PAM16: variants seen among roughly 807,000 people sequenced by gnomAD.
The protein encoded by PAM16 is presequence translocase associated motor 16, also known as mitochondrial import inner membrane translocase subunit TIM16.
A neutral mutation model predicts 17.9 loss-of-function variants in PAM16; 11 were observed. The observed-to-expected ratio is 0.62, with a 90% CI of 0.39 to 1.02. PAM16 has a LOEUF of 1.02. Ranked by LOEUF, PAM16 falls within the 50% of genes least tolerant of loss-of-function variation. The probability of loss-of-function intolerance (pLI) is 0.01; values close to 1 mark genes in which losing one functional copy is unlikely to be tolerated. For synonymous variants in PAM16, 72 were observed against 67.4 expected, an observed-to-expected ratio of 1.07 and a Z score of -0.34; for missense variants, 199 against 165.4, an observed-to-expected ratio of 1.20 and a Z score of -1.11.
At chr16:4,345,655 A>T (rs1290012007) in intron 1 of PAM16, 1 of 159,362 alleles carries the variant, frequency 6.3e-6, no homozygotes, top group Admixed American at 6.5e-5. Flanking sequence ...TGGAAACTTC[A>T]TAACTTCTGG....
chr16:4,346,425 G>C (rs999398382), intron 1 of PAM16, among the ~76,000 whole-genome samples: 1 of 152,208 alleles, frequency 6.6e-6, no homozygotes, highest in African/African-American at 2.4e-5. Flanking sequence ...ATAAACATTG[G>C]TTTTCATTCA....
At chr16:4,347,371 T>C (rs2053774510) in intron 1 of PAM16, 1 of 151,988 alleles carries the variant, frequency 6.6e-6, no homozygotes. Flanking sequence ...AACTCCTAGG[T>C]TCGCATGAAC....
At chr16:4,343,482 C>G (rs989665933) in intron 1 of PAM16, 191 bp from the exon 2 acceptor site, 2 of 1,431,118 alleles carry the variant, frequency 1.4e-6, no homozygotes, top group Non-Finnish European at 1.8e-6. Context: ...TAGTTACTCA[C>G]TGGACAGGCA....
rs558695590 is a variant in PAM16 at position 4,350,138 on chromosome 16, A to T, written c.3+1094T>A. Among the ~76,000 whole-genome samples, 3 of 151,444 alleles carry T rather than the reference A, an allele frequency of 2.0e-5. No homozygotes were observed. The South Asian group carries it at 6.3e-4, about 32-fold the overall frequency. Reference sequence around the variant, plus strand: ...TTTTCCCCCTCTTTTTCTTTTTGAGAGAGTTTTGCCCTGTCGCCCAGACTG... The same window carrying T: ...TTTTCCCCCTCTTTTTCTTTTTGAGTGAGTTTTGCCCTGTCGCCCAGACTG... On this transcript the variant is annotated intron_variant, in intron 1 of 4. Transcript: ENST00000318059.
Position 4,341,741 on chromosome 16 carries a change from C to G in PAM16, c.89-237G>C. 4.7e-6 allele frequency: 3 copies of G among 633,184 alleles called. No individual in the cohort carries two copies. The South Asian group carries it at 6.4e-5, about 14-fold the overall frequency. The allele number at this position is 633,184 out of a possible 1,614,324, so 39.2% of individuals were successfully genotyped here. A position where few individuals can be genotyped will look rare whatever the true frequency, so the allele number is the denominator to read the frequency against. ...AGGATCTGACCGCTAATCCTGGCTC[C>G]TGGTCCCCAACCTAGACCATGAGAT... is the stretch of plus-strand genomic sequence containing the variant. On this transcript the variant is annotated intron_variant, in intron 2 of 4. Coordinates refer to ENST00000318059, the MANE Select transcript of PAM16 (RefSeq NM_016069.11).
rs1486063731 is a variant in PAM16 at position 4,351,240 on chromosome 16, C to G, written c.-6G>C. On this transcript the variant is annotated 5_prime_UTR_variant, in exon 1 of 5. Coordinates refer to ENST00000318059, the MANE Select transcript of PAM16 (RefSeq NM_016069.11). ...CCCGACTCGGGGCTCACCATGGCAG[C>G]CGCTCTGCCTCCGGGGCTCAAACTC... is the stretch of plus-strand genomic sequence containing the variant. The G allele has an allele frequency of 1.4e-6, 2 of 1,466,224 alleles. No individual in the cohort carries two copies. The highest frequency in any genetic ancestry group is 1.8e-6 in the Non-Finnish European group (2 of 1,102,986). 90.8% of individuals were successfully genotyped at this position (1,466,224 alleles called of 1,614,324 possible).
At position 4,341,109 on chromosome 16, in the gene PAM16, T is replaced by C. The variant is rs568716103; in HGVS notation, c.226-124A>G. 312 of 1,321,692 alleles carry C rather than the reference T, an allele frequency of 2.4e-4. No individual in the cohort carries two copies. In the African/African-American group the frequency reaches 4.1e-3, roughly 17 times the overall value. 81.9% of individuals were successfully genotyped at this position (1,321,692 alleles called of 1,614,324 possible). A position where few individuals can be genotyped will look rare whatever the true frequency, so the allele number is the denominator to read the frequency against. ...CTCCACCCTGTGTGCCACACCCAGC[T>C]GTTGTGGCCACTGAGAGGCAGAGAT... On this transcript the variant is annotated intron_variant, in intron 3 of 4. Coordinates refer to ENST00000318059, the MANE Select transcript of PAM16 (RefSeq NM_016069.11).
At chr16:4,340,801 G>A (rs2053632174) in intron 4 of PAM16, 119 bp downstream of exon 4, 1 of 1,308,878 alleles carries the variant, frequency 7.6e-7, no homozygotes, top group African/African-American at 1.5e-5. Context: ...GGGAAAGCCT[G>A]GCACAGTTTT....
chr16:4,347,710 C>T (rs1212905276), intron 1 of PAM16: 3 of 152,278 alleles, frequency 2.0e-5, no homozygotes, highest in Non-Finnish European at 2.9e-5. Context: ...ACAACCACTG[C>T]CTGAGGCCCC....
At chr16:4,349,202 G>A (rs984333621) in intron 1 of PAM16, among the ~76,000 whole-genome samples, 3 of 148,114 alleles carry the variant, frequency 2.0e-5, no homozygotes, top group African/African-American at 7.5e-5. Context: ...TGATCCACCC[G>A]CCTGAGACCC....
chr16:4,351,110 TTCC>T (rs2141159093), intron 1 of PAM16, 119 bp downstream of exon 1: 1 of 471,090 alleles, frequency 2.1e-6, no homozygotes, highest in East Asian at 4.1e-5. Flanking sequence ...CAGACCATGC[TTCC>T]CGCCGGGCAC....
intron 1 of PAM16, among the ~76,000 whole-genome samples, chr16:4,349,195 T>C (rs1399924419): frequency 1.3e-5 from 2 of 151,668 alleles, no homozygotes; most frequent in African/African-American, 4.8e-5. Flanking sequence ...GACCTCGTGA[T>C]CCACCCGCCT....
chr16:4,351,160 C>G lies in PAM16; in HGVS notation c.3+72G>C, dbSNP rs887854472. The G allele has an allele frequency of 7.4e-6, 7 of 943,598 alleles. No individual in the cohort carries two copies. The African/African-American group carries it at 1.2e-4, about 16-fold the overall frequency. 58.5% of individuals were successfully genotyped at this position (943,598 alleles called of 1,614,324 possible). A position where few individuals can be genotyped will look rare whatever the true frequency, so the allele number is the denominator to read the frequency against. Reference sequence around the variant, plus strand: ...ACGGCGCCCGCCGCCCAGCCCGGAGCTCGCCGCCCGGCCCCCGGCCCCCGG... The same window carrying G: ...ACGGCGCCCGCCGCCCAGCCCGGAGGTCGCCGCCCGGCCCCCGGCCCCCGG... On this transcript the variant is annotated intron_variant, in intron 1 of 4. Coordinates refer to ENST00000318059, the MANE Select transcript of PAM16 (RefSeq NM_016069.11).
At position 4,341,480 on chromosome 16, in the gene PAM16, CG is replaced by C; in HGVS notation, c.112del (p.Arg38GlufsTer31). 1 of 1,610,092 alleles carries C rather than the reference CG, an allele frequency of 6.2e-7. No individual in the cohort carries two copies. Among genetic ancestry groups the C allele is most frequent in the Non-Finnish European group, 8.5e-7 (1 of 1,179,184 alleles). On this transcript the variant is annotated frameshift_variant, in exon 3 of 5. Transcript: ENST00000318059. LOFTEE classifies it high-confidence loss of function. ...TGCAGACCGGTGTCCAGCGCGTCCTCGGGCATCAGCTGCGGCCCGGCTGGCT... is the reference window on the plus strand; with the variant it reads ...TGCAGACCGGTGTCCAGCGCGTCCTCGGCATCAGCTGCGGCCCGGCTGGCT... ...FAASRAAADA[R>X]GRAGHRSAAA...
At chr16:4,346,079 T>C (rs2053754439) in intron 1 of PAM16, 1 of 614,046 alleles carries the variant, frequency 1.6e-6, no homozygotes, top group Non-Finnish European at 2.0e-6. Flanking sequence ...CCTGCACACT[T>C]CAAACCAAAG....
At chr16:4,341,727 G>A (rs1037866587) in intron 2 of PAM16, 20 of 691,076 alleles carry the variant, frequency 2.9e-5, no homozygotes, top group Non-Finnish European at 4.0e-5. Flanking sequence ...GGATCTGACC[G>A]CTAATCCTGG....
At chr16:4,341,649 G>T in intron 2 of PAM16, 145 bp from the exon 3 acceptor site, 2 of 1,372,234 alleles carry the variant, frequency 1.5e-6, no homozygotes, top group Non-Finnish European at 1.9e-6. Context: ...CTCCAGGAGT[G>T]GTTTCCTTTT....
At chr16:4,346,706 G>GT (rs1264802503) in intron 1 of PAM16, 4 of 152,028 alleles carry the variant, frequency 2.6e-5, no homozygotes, top group African/African-American at 9.7e-5. Flanking sequence ...TTTTGTTTTG[G>GT]TTTGGGTCTT....
chr16:4,350,527 G>A (rs1226631991), intron 1 of PAM16, among the ~76,000 whole-genome samples: 1 of 151,634 alleles, frequency 6.6e-6, no homozygotes, highest in Non-Finnish European at 1.5e-5. Context: ...CAGCCTCCCG[G>A]GTAGCTTGGA....
Sources: gnomAD v4.1 joint callset for allele counts (sites outside exome capture counted in the v4.1 genomes callset) on GRCh38, gnomAD v4.1.1 for gene constraint, MANE v1.5 for transcripts, NCBI Gene and HGNC (gene_info 2026-07-23, HGNC 2026-07-21) for gene names.